The following PPCDC variants were observed in gnomAD, a reference collection of about 807,000 sequenced individuals.
PPCDC encodes the protein phosphopantothenoylcysteine decarboxylase.
In PPCDC, 20 loss-of-function variants were observed where a neutral mutation model predicts 20.7. The observed-to-expected ratio is 0.97, with a 90% CI of 0.68 to 1.41. The LOEUF is 1.41. PPCDC is among the 40% of genes most tolerant of loss of function. PPCDC has a pLI of 0.00. For missense variants in PPCDC, 246 were observed against 263.8 expected (o/e 0.93, Z 0.47); for synonymous variants, 88 against 100.3 (o/e 0.88, Z 0.73).
At chr15:75,034,068 G>A (rs549156665) in intron 2 of PPCDC, among the ~76,000 whole-genome samples, 5 of 152,304 alleles carry the variant, frequency 3.3e-5, no homozygotes, top group African/African-American at 1.2e-4. Context: ...GGGTGGTACG[G>A]TGAGCTAGAT....
chr15:75,033,564 A>C (rs1181930601), intron 2 of PPCDC, among the ~76,000 whole-genome samples: 2 of 149,126 alleles, frequency 1.3e-5, no homozygotes, highest in Non-Finnish European at 3.0e-5. Context: ...TTTGGTGGGA[A>C]TATTGGGGAA....
chr15:75,044,558 C>A (rs771184948), intron 4 of PPCDC, 44 bp downstream of exon 4: 4 of 1,595,600 alleles, frequency 2.5e-6, no homozygotes, highest in Non-Finnish European at 3.4e-6. Flanking sequence ...GGGCCTCACA[C>A]CCAGTTTGCT....
At chr15:75,026,913 G>A (rs898588735) in intron 1 of PPCDC, among the ~76,000 whole-genome samples, 4 of 152,140 alleles carry the variant, frequency 2.6e-5, no homozygotes, top group Non-Finnish European at 4.4e-5. Flanking sequence ...GTCACTCCAG[G>A]TCAGGAGCAC....
At chr15:75,025,120 C>T (rs2065946234) in intron 1 of PPCDC, among the ~76,000 whole-genome samples, 1 of 152,130 alleles carries the variant, frequency 6.6e-6, no homozygotes, top group Non-Finnish European at 1.5e-5. Context: ...TGCTATGTTA[C>T]CCAGGCTGGT....
Position 75,044,516 on chromosome 15 carries a change from T to G in PPCDC, c.360+2T>G. 1 of 1,613,700 alleles carries G rather than the reference T, an allele frequency of 6.2e-7. No homozygotes were observed. The highest frequency in any genetic ancestry group is 8.5e-7 in the Non-Finnish European group (1 of 1,179,706). ...AGTGGCATCTGTGACAACTTGCTTG[T>G]GAGTGATGTCCTGGTGCCCTCGTCC... On this transcript the variant is annotated splice_donor_variant, in intron 4 of 5. Coordinates refer to ENST00000342932, the MANE Select transcript of PPCDC (RefSeq NM_021823.5). LOFTEE classifies it high-confidence loss of function.
intron 1 of PPCDC, among the ~76,000 whole-genome samples, chr15:75,024,921 T>G (rs1168210793): frequency 6.6e-6 from 1 of 151,898 alleles, no homozygotes; most frequent in Admixed American, 6.6e-5. Context: ...TTTTTTTTTT[T>G]TGTGGTACTA....
At chr15:75,033,252 T>C (rs944280454) in intron 2 of PPCDC, among the ~76,000 whole-genome samples, 1 of 152,252 alleles carries the variant, frequency 6.6e-6, no homozygotes, top group African/African-American at 2.4e-5. Context: ...TATGGCTGCA[T>C]TCGTGCTACT....
chr15:75,034,749 G>A (rs2066065398), intron 2 of PPCDC, among the ~76,000 whole-genome samples: 1 of 152,096 alleles, frequency 6.6e-6, no homozygotes, highest in Non-Finnish European at 1.5e-5. Flanking sequence ...CAAAGCCCTG[G>A]GTTCCTTGTC....
chr15:75,030,829 C>G (rs570399590), intron 2 of PPCDC, among the ~76,000 whole-genome samples: 2 of 152,210 alleles, frequency 1.3e-5, no homozygotes, highest in Admixed American at 1.3e-4. Context: ...CAGATCTGGC[C>G]CATCACTGTT....
intron 2 of PPCDC, among the ~76,000 whole-genome samples, chr15:75,034,046 A>G (rs370005676): frequency 2.0e-5 from 3 of 152,204 alleles, no homozygotes; most frequent in Non-Finnish European, 4.4e-5. Flanking sequence ...GGTCAGGGTC[A>G]CAGAAGGGCT....
chr15:75,034,315 C>T (rs2066060228), intron 2 of PPCDC, among the ~76,000 whole-genome samples: 1 of 152,134 alleles, frequency 6.6e-6, no homozygotes, highest in Non-Finnish European at 1.5e-5. Flanking sequence ...GGATTCCTAT[C>T]TTGGTCTGCC....
At chr15:75,039,281 G>T (rs2066123736) in intron 2 of PPCDC, among the ~76,000 whole-genome samples, 1 of 152,124 alleles carries the variant, frequency 6.6e-6, no homozygotes, top group African/African-American at 2.4e-5. Context: ...TACTGCCAGG[G>T]TTATTTGTTT....
Position 75,049,433 on chromosome 15 carries a change from G to C in PPCDC, c.*198G>C. The C allele has an allele frequency of 1.7e-6, 1 of 595,770 alleles. No individual in the cohort carries two copies. The highest frequency in any genetic ancestry group is 3.0e-6 in the Non-Finnish European group (1 of 338,136). The allele number at this position is 595,770 out of a possible 1,614,324, so 36.9% of individuals were successfully genotyped here. On this transcript the variant is annotated 3_prime_UTR_variant, in exon 6 of 6. Transcript: ENST00000342932. ...GTCTCAGTTTCTTTCAACCAGGAGA[G>C]GCCGCTGCCTAGAGCCCCTCCCCAC...
Position 75,028,080 on chromosome 15 carries a change from T to A in PPCDC, c.-72-167T>A, listed in dbSNP as rs59788052. 1.1e-3 allele frequency: 589 copies of A among 519,924 alleles called. 3 individuals carry two copies. The highest frequency in any genetic ancestry group is 0.01 in the African/African-American group (537 of 52,186). The allele number at this position is 519,924 out of a possible 1,614,324, so 32.2% of individuals were successfully genotyped here. A position where few individuals can be genotyped will look rare whatever the true frequency, so the allele number is the denominator to read the frequency against. ...GCATCATTCCCTTGTGACTGGCCCA[T>A]GTGTGGGGAAGGTGTCTCACTTTCT... On this transcript the variant is annotated intron_variant, in intron 1 of 5. Coordinates refer to ENST00000342932, the MANE Select transcript of PPCDC (RefSeq NM_021823.5).
intron 2 of PPCDC, among the ~76,000 whole-genome samples, chr15:75,040,495 A>G (rs2066139252): frequency 6.6e-6 from 1 of 152,196 alleles, no homozygotes; most frequent in Admixed American, 6.5e-5. Context: ...CTTTTGCTTT[A>G]AATTTATCTT....
intron 2 of PPCDC, chr15:75,043,221 T>C (rs940764758): frequency 2.1e-6 from 1 of 485,100 alleles, no homozygotes; most frequent in Admixed American, 4.0e-5. Flanking sequence ...GCCCCTCAGA[T>C]AGGGAAGTGA....
chr15:75,030,407 G>A (rs1255428078), intron 2 of PPCDC, among the ~76,000 whole-genome samples: 1 of 152,194 alleles, frequency 6.6e-6, no homozygotes, highest in Non-Finnish European at 1.5e-5. Flanking sequence ...ACATGGTGTG[G>A]GGCAACCCCA....
chr15:75,046,032 G>A (rs775408648), intron 4 of PPCDC, among the ~76,000 whole-genome samples: 3 of 151,850 alleles, frequency 2.0e-5, no homozygotes, highest in Non-Finnish European at 4.4e-5. Context: ...GCAACATGGT[G>A]AAACTCCATC....
intron 1 of PPCDC, among the ~76,000 whole-genome samples, chr15:75,024,160 G>T (rs1216648209): frequency 3.3e-5 from 5 of 152,204 alleles, no homozygotes; most frequent in Non-Finnish European, 7.3e-5. Flanking sequence ...GTATTTGGAA[G>T]CAGGTGCTAG....
Sources: gnomAD v4.1 joint callset for allele counts (sites outside exome capture counted in the v4.1 genomes callset) on GRCh38, gnomAD v4.1.1 for gene constraint, MANE v1.5 for transcripts, NCBI Gene and HGNC (gene_info 2026-07-23, HGNC 2026-07-21) for gene names.